ANK2: variants seen among roughly 807,000 people sequenced by gnomAD.
The protein encoded by ANK2 is ankyrin-2.
ANK2 carries 83 observed loss-of-function variants against 360.5 expected under a neutral mutation model. The ratio of observed to expected loss-of-function variants is 0.23; its 90% CI spans 0.19 to 0.28. The LOEUF (loss-of-function observed/expected upper bound fraction) is 0.28. Ranked by LOEUF, ANK2 falls within the 10% of genes least tolerant of loss-of-function variation. ANK2 has a pLI of 1.00. For missense variants in ANK2, 4,201 were observed against 4,795.7 expected (o/e 0.88, Z 3.66); for synonymous variants, 1,740 against 1,759.5 (o/e 0.99, Z 0.28).
intron 2 of ANK2, among the ~76,000 whole-genome samples, chr4:112,948,801 C>T (rs1331902666): frequency 6.6e-6 from 1 of 152,222 alleles, no homozygotes; most frequent in Admixed American, 6.5e-5. Context: ...ATGATTGCCT[C>T]TGCCCCATAT....
chr4:113,114,986 T>C (rs749488648), intron 1 of ANK2, among the ~76,000 whole-genome samples: 8 of 152,164 alleles, frequency 5.3e-5, no homozygotes, highest in Non-Finnish European at 1.2e-4. Context: ...TTGCGAACAT[T>C]TTTTTAAAAG....
intron 4 of ANK2, among the ~76,000 whole-genome samples, chr4:113,203,822 C>T (rs948911679): frequency 3.9e-5 from 6 of 152,070 alleles, no homozygotes; most frequent in South Asian, 4.1e-4. Flanking sequence ...TCATAGTTCC[C>T]GTAACAGTTC....
intron 26 of ANK2, among the ~76,000 whole-genome samples, chr4:113,319,036 T>A (rs1190658347): frequency 2.6e-5 from 4 of 152,224 alleles, no homozygotes; most frequent in Admixed American, 2.6e-4. Flanking sequence ...CAGATGCTAA[T>A]GCATTTCAAA....
At chr4:113,072,637 T>G (rs576772902) in intron 1 of ANK2, among the ~76,000 whole-genome samples, 32 of 152,154 alleles carry the variant, frequency 2.1e-4, no homozygotes, top group Non-Finnish European at 4.3e-4. Context: ...TTCTGAATTG[T>G]TTAGGCAATA....
intron 1 of ANK2, among the ~76,000 whole-genome samples, chr4:113,112,451 C>A (rs1562151492): frequency 6.6e-6 from 1 of 152,236 alleles, no homozygotes; most frequent in South Asian, 2.1e-4. Flanking sequence ...ATGGAAATGT[C>A]TTTTGCTTCT....
intron 1 of ANK2, among the ~76,000 whole-genome samples, chr4:112,864,082 A>G (rs1031109690): frequency 2.0e-5 from 3 of 152,238 alleles, no homozygotes; most frequent in Non-Finnish European, 4.4e-5. Context: ...TAAAGAGATT[A>G]GGTAGGGTGT....
At chr4:113,116,878 G>C (rs1383055050) in intron 1 of ANK2, 16 of 210,956 alleles carry the variant, frequency 7.6e-5, no homozygotes. Context: ...AGTCCCCAAA[G>C]ACTGTTCCAA....
At chr4:113,078,688 A>G (rs1413880133) in intron 1 of ANK2, among the ~76,000 whole-genome samples, 1 of 152,170 alleles carries the variant, frequency 6.6e-6, no homozygotes, top group African/African-American at 2.4e-5. Context: ...TTGGGTGGTG[A>G]ACCCAAATTT....
At chr4:113,107,933 A>G (rs1452193004) in intron 1 of ANK2, among the ~76,000 whole-genome samples, 2 of 152,200 alleles carry the variant, frequency 1.3e-5, no homozygotes, top group Non-Finnish European at 2.9e-5. Flanking sequence ...ATTTCATAGC[A>G]GTAGCAAAAC....
At chr4:113,027,983 A>G (rs1325857197) in intron 2 of ANK2, among the ~76,000 whole-genome samples, 3 of 152,136 alleles carry the variant, frequency 2.0e-5, no homozygotes, top group Non-Finnish European at 4.4e-5. Context: ...TGACTTCACC[A>G]TTTATTTATT....
chr4:112,754,088 ACT>A, the ANK2 span, among the ~76,000 whole-genome samples: 1 of 136,336 alleles, frequency 7.3e-6, no homozygotes, highest in East Asian at 2.1e-4. Context: ...ACAGAGTGAG[ACT>A]CTGTCTCAAA....
rs547482484 is a variant in ANK2 at position 112,903,095 on chromosome 4, C to T, written c.-39-1360C>T. On this transcript the variant is annotated intron_variant, in intron 1 of 30. Transcript: ENST00000503271. The stretch of plus-strand genomic sequence containing the variant: ...TTGTTTCACACTGGGCTATGGTCCT[C>T]AAACTTCCAGCTGCACCAAAATTAT... Among the ~76,000 whole-genome samples the T allele has an allele frequency of 2.0e-5, 3 of 152,300 alleles. No individual in the cohort carries two copies. In the East Asian group the frequency reaches 5.8e-4, roughly 29 times the overall value.
At chr4:112,910,573 G>A (rs1301725423) in intron 2 of ANK2, among the ~76,000 whole-genome samples, 2 of 152,202 alleles carry the variant, frequency 1.3e-5, no homozygotes, top group African/African-American at 4.8e-5. Context: ...AAATTCTGCA[G>A]ACGGATAAAA....
intron 1 of ANK2, among the ~76,000 whole-genome samples, chr4:113,094,142 A>G (rs1286031141): frequency 6.6e-6 from 1 of 152,206 alleles, no homozygotes; most frequent in Non-Finnish European, 1.5e-5. Flanking sequence ...AAATATTTCA[A>G]TTAAGTCGGA....
chr4:113,093,631 C>T (rs6533665), intron 1 of ANK2, among the ~76,000 whole-genome samples: 5,545 of 152,232 alleles, frequency 0.036, 248 homozygotes, highest in East Asian at 0.1. Flanking sequence ...TGAGCCACCA[C>T]GCCCAGCTAA....
intron 25 of ANK2, 58 bp from the exon 26 acceptor site, chr4:113,318,459 T>G: frequency 1.5e-6 from 2 of 1,343,446 alleles, no homozygotes; most frequent in Non-Finnish European, 2.1e-6. Context: ...TATTTTGTTA[T>G]ATTTTACTTT....
intron 7 of ANK2, 71 bp from the exon 8 acceptor site, chr4:113,240,414 T>C: frequency 8.6e-7 from 1 of 1,169,442 alleles, no homozygotes; most frequent in Non-Finnish European, 1.3e-6. Flanking sequence ...TGTGACCTTC[T>C]TCACTAATAC....
Position 113,292,456 on chromosome 4 carries a change from A to G in ANK2, c.2318A>G (p.His773Arg), listed in dbSNP as rs1468144409. 6.2e-7 allele frequency: 1 copy of G among 1,611,868 alleles called. No homozygotes were observed. The highest frequency in any genetic ancestry group is 8.5e-7 in the Non-Finnish European group (1 of 1,179,060). The change falls in exon 21 of 46, where the codon CAC becomes CGC. Residue 773 changes from histidine to arginine, a missense_variant. Around this residue, in one of 4 missense-constraint regions of ANK2, gnomAD observed 1,268 missense variants for 1,650.8 expected, o/e 0.77. Coordinates refer to ENST00000357077, the MANE Select transcript of ANK2 (RefSeq NM_001148.6). The part of the protein sequence containing the change: ...TPLHQAAQQG[H>R]THIINVLLQH... ...TTGCACCAGGCCGCTCAGCAGGGTCACACGCACATCATCAACGTCCTGCTC... is the reference window on the plus strand; with the variant it reads ...TTGCACCAGGCCGCTCAGCAGGGTCGCACGCACATCATCAACGTCCTGCTC...
At chr4:112,961,612 T>G (rs1275814901) in intron 2 of ANK2, among the ~76,000 whole-genome samples, 1 of 152,170 alleles carries the variant, frequency 6.6e-6, no homozygotes, top group Non-Finnish European at 1.5e-5. Flanking sequence ...TTTTGCAGAT[T>G]ATGACTTATA....
Sources: gnomAD v4.1 joint callset for allele counts (sites outside exome capture counted in the v4.1 genomes callset) on GRCh38, gnomAD v4.1.1 for gene constraint, gnomAD v4.1.1 regional missense constraint, MANE v1.5 for transcripts, NCBI Gene and HGNC (gene_info 2026-07-23, HGNC 2026-07-21) for gene names.